Variants in ZNF98 observed in about 807,000 individuals in gnomAD.
ZNF98 encodes the protein zinc finger protein 739.
A neutral mutation model predicts 12.8 loss-of-function variants in ZNF98; 8 were observed. The ratio of observed to expected loss-of-function variants is 0.63; its 90% CI spans 0.37 to 1.13. ZNF98 has a LOEUF of 1.13. ZNF98 is among the 50% of genes most tolerant of loss of function. ZNF98 has a pLI of 0.01. For synonymous variants in ZNF98, 112 were observed against 223.5 expected (o/e 0.50, Z 4.45); for missense variants, 379 against 666.1 (o/e 0.57, Z 4.74).
chr19:22,403,624 T>G, intron 1 of ZNF98, 112 bp from the exon 2 acceptor site: 1 of 1,004,528 alleles, frequency 1.0e-6, no homozygotes, highest in Non-Finnish European at 1.4e-6. Context: ...CTTATAGGAG[T>G]GACTGATATA....
intron 3 of ZNF98, among the ~76,000 whole-genome samples, chr19:22,398,312 T>C (rs1969419851): frequency 6.6e-6 from 1 of 152,012 alleles, no homozygotes; most frequent in Non-Finnish European, 1.5e-5. Flanking sequence ...TTAATGTGTA[T>C]TGTAAACTTT....
At chr19:22,396,776 C>T (rs951111977) in intron 3 of ZNF98, among the ~76,000 whole-genome samples, 1 of 152,084 alleles carries the variant, frequency 6.6e-6, no homozygotes, top group Non-Finnish European at 1.5e-5. Flanking sequence ...TCATGTTTTA[C>T]AAAATGTACT....
intron 1 of ZNF98, among the ~76,000 whole-genome samples, chr19:22,414,744 T>C (rs1048528994): frequency 2.6e-5 from 4 of 152,094 alleles, no homozygotes; most frequent in African/African-American, 9.7e-5. Context: ...TAAAGATAAA[T>C]TAAATATTTA....
At chr19:22,400,245 TC>T (rs1210243324) in intron 3 of ZNF98, among the ~76,000 whole-genome samples, 1 of 152,122 alleles carries the variant, frequency 6.6e-6, no homozygotes, top group East Asian at 1.9e-4. Flanking sequence ...ATTACTGTGG[TC>T]CCTGAAGCAG....
At chr19:22,409,340 G>T (rs765992049) in intron 1 of ZNF98, among the ~76,000 whole-genome samples, 1 of 152,040 alleles carries the variant, frequency 6.6e-6, no homozygotes, top group Non-Finnish European at 1.5e-5. Context: ...AAAAACCCTA[G>T]AAGAAAACCT....
At chr19:22,407,485 G>T (rs1185280483) in intron 1 of ZNF98, among the ~76,000 whole-genome samples, 1 of 151,090 alleles carries the variant, frequency 6.6e-6, no homozygotes, top group African/African-American at 2.4e-5. Flanking sequence ...AGGCCAAGGC[G>T]GGTGAATCAC....
intron 3 of ZNF98, among the ~76,000 whole-genome samples, chr19:22,401,877 A>G (rs1217682395): frequency 2.0e-5 from 3 of 151,640 alleles, no homozygotes; most frequent in South Asian, 2.1e-4. Context: ...TTTTACAGTA[A>G]TAGAAAATAC....
intron 3 of ZNF98, among the ~76,000 whole-genome samples, chr19:22,401,033 A>C (rs1280890000): frequency 2.0e-5 from 3 of 151,640 alleles, no homozygotes; most frequent in African/African-American, 7.3e-5. Flanking sequence ...ACAGACACCA[A>C]TGCAAAAGTT....
chr19:22,401,062 T>C (rs71355978), intron 3 of ZNF98, among the ~76,000 whole-genome samples: 3 of 148,736 alleles, frequency 2.0e-5, no homozygotes, highest in East Asian at 2.0e-4. Context: ...CCATTCTCAA[T>C]GCTTCTATTT....
intron 3 of ZNF98, among the ~76,000 whole-genome samples, chr19:22,402,148 C>G (rs865866646): frequency 6.5e-5 from 9 of 138,664 alleles, no homozygotes; most frequent in Non-Finnish European, 1.1e-4. Flanking sequence ...TCCACTCCAG[C>G]CTGGGTGACA....
chr19:22,412,640 TA>T (rs61327036), intron 1 of ZNF98, among the ~76,000 whole-genome samples: 9,492 of 139,400 alleles, frequency 0.068, 1,018 homozygotes, highest in African/African-American at 0.23. Context: ...AGTAAAATCT[TA>T]AAAAAAAAAA....
chr19:22,399,083 CTTATG>C (rs1195328896), intron 3 of ZNF98, among the ~76,000 whole-genome samples: 1 of 152,064 alleles, frequency 6.6e-6, no homozygotes, highest in Non-Finnish European at 1.5e-5. Flanking sequence ...ACACAATAAA[CTTATG>C]TTAAGAAACC....
At chr19:22,397,212 TTGTGTGTGTG>T (rs3084811) in intron 3 of ZNF98, among the ~76,000 whole-genome samples, 2 of 145,220 alleles carry the variant, frequency 1.4e-5, no homozygotes, top group East Asian at 2.0e-4. Context: ...GTGTGTGTTT[TTGTGTGTGTG>T]TGTGTGTGTG....
chr19:22,400,235 A>C (rs1241353636), intron 3 of ZNF98, among the ~76,000 whole-genome samples: 3 of 151,954 alleles, frequency 2.0e-5, no homozygotes, highest in East Asian at 1.9e-4. Flanking sequence ...GACCTTGGCC[A>C]TTACTGTGGT....
chr19:22,418,626 C>G (rs767377682), intron 1 of ZNF98, among the ~76,000 whole-genome samples: 7 of 152,314 alleles, frequency 4.6e-5, no homozygotes, highest in Admixed American at 3.3e-4. Flanking sequence ...CGCCTGTAAT[C>G]CCAGAACTTT....
At chr19:22,404,615 A>T (rs1347334521) in intron 1 of ZNF98, among the ~76,000 whole-genome samples, 3 of 152,268 alleles carry the variant, frequency 2.0e-5, no homozygotes, top group Admixed American at 2.0e-4. Flanking sequence ...TGATGCACAC[A>T]GAAGGACACG....
At chr19:22,412,591 T>C (rs1482669409) in intron 1 of ZNF98, among the ~76,000 whole-genome samples, 1 of 150,950 alleles carries the variant, frequency 6.6e-6, no homozygotes, top group African/African-American at 2.4e-5. Flanking sequence ...GAAGGAGATT[T>C]TCACATGAAA....
intron 1 of ZNF98, among the ~76,000 whole-genome samples, chr19:22,408,803 A>C (rs918590078): frequency 6.6e-5 from 10 of 152,210 alleles, no homozygotes; most frequent in African/African-American, 2.4e-4. Context: ...AATCAAATGG[A>C]AAAACATCCC....
intron 3 of ZNF98, among the ~76,000 whole-genome samples, chr19:22,393,732 C>A (rs11673476): frequency 2.6e-5 from 4 of 151,906 alleles, no homozygotes; most frequent in Non-Finnish European, 5.9e-5. Flanking sequence ...CATAAAAACC[C>A]TAGAGGAAAA....
Sources: allele counts gnomAD v4.1 joint callset (sites outside exome capture counted in the v4.1 genomes callset), GRCh38; gene constraint gnomAD v4.1.1; transcripts MANE v1.5; gene names NCBI Gene and HGNC (gene_info 2026-07-23, HGNC 2026-07-21).